The following PLEC variants were observed in gnomAD, a reference collection of about 807,000 sequenced individuals.
PLEC encodes plectin, also known as hemidesmosomal protein 1.
PLEC carries 216 observed loss-of-function variants against 392.8 expected under a neutral mutation model. The ratio of observed to expected loss-of-function variants is 0.55; its 90% CI spans 0.49 to 0.62. PLEC has a LOEUF of 0.62. PLEC is among the 20% of genes least tolerant of loss of function. PLEC has a pLI of 0.00. For missense variants in PLEC, 6,863 were observed against 6,563.4 expected, an observed-to-expected ratio of 1.05 and a Z score of -1.58; for synonymous variants, 3,621 against 2,980.6, an observed-to-expected ratio of 1.21 and a Z score of -7.00.
chr8:143,945,791 C>T (rs140036842), intron 1 of PLEC, among the ~76,000 whole-genome samples: 1 of 152,370 alleles, frequency 6.6e-6, no homozygotes, highest in Non-Finnish European at 1.5e-5. Context: ...GGGAAGCCCG[C>T]GGACAACAAG....
In PLEC at chr8:143,929,841, A is replaced by AGGGTG. The variant is rs781932464; in HGVS notation, c.2740-13_2740-12insCACCC. On this transcript the variant is annotated splice_polypyrimidine_tract_variant and intron_variant, in intron 22 of 31. Coordinates refer to ENST00000345136, the MANE Select transcript of PLEC (RefSeq NM_201384.3). Reference sequence around the variant, plus strand: ...TTCAGGGTGCGGAACTGGGGGAAGCACGTGGGGCTGAGTGCCGGGCGAGGC... The same window carrying AGGGTG: ...TTCAGGGTGCGGAACTGGGGGAAGCAGGGTGCGTGGGGCTGAGTGCCGGGCGAGGC... 6.3e-7 allele frequency: 1 copy of AGGGTG among 1,599,794 alleles called. No homozygotes were observed. The highest frequency in any genetic ancestry group is 8.5e-7 in the Non-Finnish European group (1 of 1,178,722).
rs782543786 is a variant in PLEC, at chr8:143,929,707, A to G, written c.2862T>C (p.Ala954=). 27 of 1,599,590 alleles carry G rather than the reference A, an allele frequency of 1.7e-5. No individual in the cohort carries two copies. The highest frequency in any genetic ancestry group is 2.2e-5 in the East Asian group (1 of 44,798). ...GGCTGCAGGAGCCGTACTCGCGCTC[A>G]GCCATCAGCCGGTCCTCGGGTCCGA... The part of the protein sequence containing the change: ...GGFGPEDRLM[A]EREYGSCSHH... Residue 954 remains alanine (A), a synonymous_variant, in exon 23 of 32, where the codon GCT becomes GCC. Coordinates refer to ENST00000345136, the MANE Select transcript of PLEC (RefSeq NM_201384.3).
Position 143,930,230 on chromosome 8 carries a change from G to A in PLEC, c.2526C>T (p.Leu842=). 2 of 1,594,006 alleles carry A rather than the reference G, an allele frequency of 1.3e-6. No individual in the cohort carries two copies. Among genetic ancestry groups the A allele is most frequent in the South Asian group, 2.2e-5 (2 of 89,206 alleles). ...GPAQPSHWKV[L]SSSGSEAAVP... ...CGGCGGCCTCGCTGCCGGAGCTGCT[G>A]AGCACCTTCCAGTGGGACGGCTGTG... Residue 842 remains leucine (L), a synonymous_variant, in exon 21 of 32, where the codon CTC becomes CTT. Transcript: ENST00000345136.
chr8:143,928,032 C>T (rs781880849), intron 25 of PLEC, 40 bp from the exon 26 acceptor site: 9 of 1,558,864 alleles, frequency 5.8e-6, no homozygotes, highest in East Asian at 2.3e-5. Flanking sequence ...ACATGGGGCT[C>T]GAGCAATAGC....
intron 17 of PLEC, 46 bp downstream of exon 17, chr8:143,932,084 C>G (rs781837670): frequency 6.4e-7 from 1 of 1,562,528 alleles, no homozygotes. Context: ...CCTGGGGACC[C>G]GGCACGGCCC....
intron 1 of PLEC, among the ~76,000 whole-genome samples, chr8:143,965,883 G>A (rs1268241637): frequency 2.6e-5 from 4 of 152,182 alleles, no homozygotes; most frequent in African/African-American, 9.7e-5. Flanking sequence ...TCAGGCCAAG[G>A]CCCAGGGAAC....
chr8:143,915,298 G>A lies in PLEC; in HGVS notation c.*879C>T, dbSNP rs117961539. 3,652 of 152,628 alleles carry A rather than the reference G, an allele frequency of 0.024. 64 individuals are homozygous for A. Among genetic ancestry groups the A allele is most frequent in the Non-Finnish European group, 0.039 (2,636 of 68,132 alleles). 9.5% of individuals were successfully genotyped at this position (152,628 alleles called of 1,614,324 possible). On this transcript the variant is annotated 3_prime_UTR_variant, in exon 32 of 32. Transcript: ENST00000345136. ...TTAGTGGAACATGCAAAGCTCAGAGGGTGGAGGCAGGGGTGGTCGCTGCTG... is the reference window on the plus strand; with the variant it reads ...TTAGTGGAACATGCAAAGCTCAGAGAGTGGAGGCAGGGGTGGTCGCTGCTG...
chr8:143,923,670 G>A lies in PLEC; in HGVS notation c.6259C>T (p.Arg2087Trp), dbSNP rs782738721. 1.7e-5 allele frequency: 26 copies of A among 1,559,146 alleles called. No homozygotes were observed. The highest frequency in any genetic ancestry group is 1.8e-4 in the Middle Eastern group (1 of 5,700). ...DQLRGEAEAARRAAEEAEEAR... is the reference protein window; with the variant it reads ...DQLRGEAEAAWRAAEEAEEAR... Reference sequence around the variant, plus strand: ...TCCTCCGCCTCCTCAGCCGCCCGCCGGGCCGCCTCCGCCTCGCCGCGCAGC... The same window carrying A: ...TCCTCCGCCTCCTCAGCCGCCCGCCAGGCCGCCTCCGCCTCGCCGCGCAGC... The change falls in exon 31 of 32, where the codon CGG (arginine) becomes TGG (tryptophan). Residue 2087 changes from arginine to tryptophan, a missense_variant. Transcript: ENST00000345136.
chr8:143,926,763 C>A, intron 30 of PLEC, 21 bp downstream of exon 30: 1 of 1,595,474 alleles, frequency 6.3e-7, no homozygotes, highest in Non-Finnish European at 8.6e-7. Flanking sequence ...CTCTGCCCAG[C>A]CTCCGCCCAA....
chr8:143,952,218 A>ACG (rs1346100048), upstream of PLEC, among the ~76,000 whole-genome samples: 204 of 90,404 alleles, frequency 2.3e-3, no homozygotes, highest in Middle Eastern at 6.3e-3. Flanking sequence ...ACGCGCGCAC[A>ACG]CACGCACGCG....
chr8:143,924,553 C>T lies in PLEC; in HGVS notation c.5376G>A (p.Glu1792=), dbSNP rs1438554225. ...SEKSKQRLEA[E]AGRFRELAEE... ...CGGCCAGCTCGCGGAACCGGCCGGCCTCGGCCTCCAGCCTCTGCTTGGACT... is the reference window on the plus strand; with the variant it reads ...CGGCCAGCTCGCGGAACCGGCCGGCTTCGGCCTCCAGCCTCTGCTTGGACT... The change falls in exon 31 of 32, where the codon GAG becomes GAA. Residue 1792 remains glutamate (E), a synonymous_variant. Coordinates refer to ENST00000345136, the MANE Select transcript of PLEC (RefSeq NM_201384.3). 8 of 1,544,778 alleles carry T rather than the reference C, an allele frequency of 5.2e-6. No individual in the cohort carries two copies. The South Asian group carries it at 5.9e-5, about 11-fold the overall frequency.
chr8:143,916,338 T>A lies in PLEC; in HGVS notation c.13483A>T (p.Thr4495Ser). The A allele has an allele frequency of 6.3e-7, 1 of 1,595,492 alleles. No individual in the cohort carries two copies. Among genetic ancestry groups the A allele is most frequent in the Non-Finnish European group, 8.5e-7 (1 of 1,173,552 alleles). ...STAGSRTGSR[T>S]GSRAGSRRGS... ...CGGCGGGAGCCGGCCCGGGAGCCGGTGCGCGAGCCGGTGCGGGAGCCAGCG... is the reference window on the plus strand; with the variant it reads ...CGGCGGGAGCCGGCCCGGGAGCCGGAGCGCGAGCCGGTGCGGGAGCCAGCG... The change falls in exon 32 of 32, where the codon ACC becomes TCC. Residue 4495 changes from threonine to serine, a missense_variant. Thr to Ser is a moderately conservative substitution (Grantham distance 58, BLOSUM62 1). Coordinates refer to ENST00000345136, the MANE Select transcript of PLEC (RefSeq NM_201384.3).
Position 143,934,902 on chromosome 8 carries a change from G to A in PLEC, c.853C>T (p.Arg285Trp), listed in dbSNP as rs562600992. 2.4e-5 allele frequency: 39 copies of A among 1,611,228 alleles called. No homozygotes were observed. In the Admixed American group the frequency reaches 3.0e-4, roughly 12 times the overall value. Residue 285 changes from arginine to tryptophan, a missense_variant, in exon 9 of 32, where the codon CGG becomes TGG. By Grantham distance (101) the Arg-to-Trp change is moderately radical. Coordinates refer to ENST00000345136, the MANE Select transcript of PLEC (RefSeq NM_201384.3). ...NELQLRWQEY[R>W]ELVLLLLQWM... Reference sequence around the variant, plus strand: ...TGAAGCAGCAGCAGCACCAGCTCCCGGTACTCCTGCCAGCGCAGCTGCAGC... The same window carrying A: ...TGAAGCAGCAGCAGCACCAGCTCCCAGTACTCCTGCCAGCGCAGCTGCAGC...
chr8:143,964,762 C>G (rs969195285), intron 1 of PLEC, among the ~76,000 whole-genome samples: 1 of 152,178 alleles, frequency 6.6e-6, no homozygotes, highest in Admixed American at 6.5e-5. Flanking sequence ...CCAGCTGTGT[C>G]TCTTAGGCCT....
upstream of PLEC, chr8:143,973,665 C>G: frequency 2.4e-6 from 1 of 416,952 alleles, no homozygotes. This position sits in a 1 kb window ranked among gnomAD's most constrained non-coding sequence, Gnocchi z 5.6. Flanking sequence ...CGTCTGGGCC[C>G]CTCCCGGCGG....
intron 1 of PLEC, among the ~76,000 whole-genome samples, chr8:143,964,661 GC>G (rs1206446977): frequency 6.6e-6 from 1 of 152,178 alleles, no homozygotes; most frequent in Non-Finnish European, 1.5e-5. Flanking sequence ...TGTGACAGCA[GC>G]CACAGGAACC....
At chr8:143,966,513 G>A (rs782002408) in intron 1 of PLEC, among the ~76,000 whole-genome samples, 8 of 152,204 alleles carry the variant, frequency 5.3e-5, no homozygotes, top group African/African-American at 1.7e-4. Flanking sequence ...CAGCCACCAC[G>A]GGGGACTCCT....
Position 143,921,775 on chromosome 8 carries a change from G to A in PLEC, c.8046C>T (p.Leu2682=), listed in dbSNP as rs375590561. ...LAQGHTTVDE[L]ARREDVRHYL... is the part of the protein sequence containing the mutation. The stretch of plus-strand genomic sequence containing the variant: ...AGTGGCGCACGTCTTCCCGCCGTGC[G>A]AGCTCGTCCACCGTGGTGTGGCCCT... The change falls in exon 32 of 32, where the codon CTC becomes CTT. Residue 2682 remains leucine (L), a synonymous_variant. Transcript: ENST00000345136. 9.3e-5 allele frequency: 150 copies of A among 1,611,506 alleles called. No individual in the cohort carries two copies. In the African/African-American group the frequency reaches 1.4e-3, roughly 15 times the overall value.
In PLEC at chr8:143,936,025, C is replaced by T. The variant is rs1391457319; in HGVS notation, c.436-11G>A. The T allele has an allele frequency of 6.2e-6, 10 of 1,610,774 alleles. No homozygotes were observed. The Admixed American group carries it at 1.7e-4, about 27-fold the overall frequency. The stretch of plus-strand genomic sequence containing the variant: ...CTGGATATCTGAGATCTGCTCACAG[C>T]AGAGAGGAGGCCACAGCTCAGCCAC... On this transcript the variant is annotated splice_polypyrimidine_tract_variant and intron_variant, in intron 5 of 31. Coordinates refer to ENST00000345136, the MANE Select transcript of PLEC (RefSeq NM_201384.3).
Sources: gnomAD v4.1 joint callset for allele counts (sites outside exome capture counted in the v4.1 genomes callset) on GRCh38, gnomAD v4.1.1 for gene constraint, Gnocchi (gnomAD v3.1) non-coding constraint, MANE v1.5 for transcripts, NCBI Gene and HGNC (gene_info 2026-07-23, HGNC 2026-07-21) for gene names.